The following PIP4K2B variants were observed in gnomAD, a reference collection of about 807,000 sequenced individuals.
PIP4K2B encodes phosphatidylinositol 5-phosphate 4-kinase type-2 beta.
Under a neutral mutation model 42.0 loss-of-function variants are expected in PIP4K2B, and 3 were observed. The observed-to-expected ratio is 0.07, with a 90% confidence interval of 0.03 to 0.18. The LOEUF is 0.18. Among genes scored for constraint, PIP4K2B ranks in the 10% least tolerant of loss-of-function variants. The pLI is 1.00. For synonymous variants in PIP4K2B, 204 were observed against 210.1 expected (o/e 0.97, Z 0.25); for missense variants, 332 against 562.3 (o/e 0.59, Z 4.14).
rs1286927810 is a variant in PIP4K2B, at chr17:38,770,556, A to G, written c.1067-17T>C. Reference sequence around the variant, plus strand: ...TGGGGGAACCTGGAGGGACAAGGAGAGCAGGGAAGAAGGAAGAGGGGGCAG... The same window carrying G: ...TGGGGGAACCTGGAGGGACAAGGAGGGCAGGGAAGAAGGAAGAGGGGGCAG... On this transcript the variant is annotated splice_polypyrimidine_tract_variant and intron_variant, in intron 8 of 9. Transcript: ENST00000619039. The G allele has an allele frequency of 2.8e-6, 4 of 1,437,438 alleles. No individual in the cohort carries two copies. The highest frequency in any genetic ancestry group is 3.9e-6 in the Non-Finnish European group (4 of 1,021,812). The allele number at this position is 1,437,438 out of a possible 1,614,324, so 89.0% of individuals were successfully genotyped here. A position where few individuals can be genotyped will look rare whatever the true frequency, so the allele number is the denominator to read the frequency against.
In PIP4K2B at chr17:38,769,733, G is replaced by T; in HGVS notation, c.1209C>A (p.Tyr403Ter). The T allele has an allele frequency of 6.2e-7, 1 of 1,611,768 alleles. No homozygotes were observed. The highest frequency in any genetic ancestry group is 8.5e-7 in the Non-Finnish European group (1 of 1,177,800). ...AEISTVNPEQ[Y>*]SKRFNEFMSN... ...ACATAAACTCGTTGAAGCGTTTGGA[G>T]TACTGCTCAGGGTTCACAGTCGAGA... The change falls in exon 10 of 10, where the codon TAC becomes TAA. Residue 403 changes from tyrosine to a stop codon, truncating the protein, a stop_gained. Coordinates refer to ENST00000619039, the MANE Select transcript of PIP4K2B (RefSeq NM_003559.5). LOFTEE classifies it high-confidence loss of function.
chr17:38,779,616 G>GGGAGCCAGGGA, intron 4 of PIP4K2B, 87 bp from the exon 5 acceptor site: 3 of 1,222,516 alleles, frequency 2.5e-6, no homozygotes, highest in Non-Finnish European at 3.6e-6. Context: ...AATGCTCCCT[G>GGGAGCCAGGGA]GCTCCCTGGG....
In PIP4K2B at chr17:38,793,126, G is replaced by A. The variant is rs532929606; in HGVS notation, c.159+6140C>T. 2.9e-4 allele frequency among the ~76,000 whole-genome samples: 44 copies of A among 151,688 alleles called. 1 individual carries two copies. The South Asian group carries it at 7.9e-3, about 27-fold the overall frequency. ...GTATTTTTAGTAGAGACAGGGTTTC[G>A]CCATGTTGGCCAGGCTGGTGTCAAA... On this transcript the variant is annotated intron_variant, in intron 1 of 9. Coordinates refer to ENST00000619039, the MANE Select transcript of PIP4K2B (RefSeq NM_003559.5).
At chr17:38,773,160 T>C (rs966961978) in intron 7 of PIP4K2B, among the ~76,000 whole-genome samples, 3 of 152,102 alleles carry the variant, frequency 2.0e-5, no homozygotes, top group African/African-American at 7.2e-5. Context: ...GTAGACAGTG[T>C]TTCAGTTGTG....
Position 38,799,068 on chromosome 17 carries a change from C to G in PIP4K2B, c.159+198G>C, listed in dbSNP as rs988125933. Among the ~76,000 whole-genome samples the G allele has an allele frequency of 1.3e-5, 2 of 152,154 alleles. No individual in the cohort carries two copies. Among genetic ancestry groups the G allele is most frequent in the African/African-American group, 4.8e-5 (2 of 41,448 alleles). On this transcript the variant is annotated intron_variant, in intron 1 of 9. Coordinates refer to ENST00000619039, the MANE Select transcript of PIP4K2B (RefSeq NM_003559.5). The surrounding 1 kb of genome is among the most constrained non-coding windows in gnomAD (Gnocchi z 4.4). ...AAGGGGAGGTGGCGACGGCAGACCA[C>G]AGAGACACCAGGCCTCGCGTGGCGT...
intron 1 of PIP4K2B, among the ~76,000 whole-genome samples, chr17:38,794,541 G>C (rs1490774974): frequency 7.2e-6 from 1 of 138,868 alleles, no homozygotes; most frequent in African/African-American, 2.7e-5. Context: ...TAAAACTCTA[G>C]TTGGGAGGAT....
intron 4 of PIP4K2B, chr17:38,779,984 C>G: frequency 5.5e-6 from 1 of 180,394 alleles, no homozygotes; most frequent in Non-Finnish European, 1.2e-5. Flanking sequence ...TGCCATGCCC[C>G]AGGGTTTCTG....
chr17:38,772,052 G>A (rs1909078439), intron 7 of PIP4K2B, among the ~76,000 whole-genome samples: 1 of 152,084 alleles, frequency 6.6e-6, no homozygotes, highest in African/African-American at 2.4e-5. Flanking sequence ...AAGAGGCCAT[G>A]GCCAAGTTTG....
chr17:38,794,309 C>G (rs886721080), intron 1 of PIP4K2B, among the ~76,000 whole-genome samples: 2 of 151,738 alleles, frequency 1.3e-5, no homozygotes, highest in African/African-American at 4.8e-5. Flanking sequence ...ATGGTGGTTG[C>G]CAGGGGCTGG....
At position 38,780,584 on chromosome 17, in the gene PIP4K2B, G is replaced by A. The variant is rs770123502; in HGVS notation, c.375C>T (p.Ala125=). ...GACCCTGGCTGTCACTGTTGATGGGGGCGCTGCGCGTCACTGAATTCTGAT... is the reference window on the plus strand; with the variant it reads ...GACCCTGGCTGTCACTGTTGATGGGAGCGCTGCGCGTCACTGAATTCTGAT... The part of the protein sequence containing the change: ...QDYQNSVTRS[A]PINSDSQGRC... Residue 125 remains alanine (A), a synonymous_variant, in exon 4 of 10, where the codon GCC becomes GCT. Coordinates refer to ENST00000619039, the MANE Select transcript of PIP4K2B (RefSeq NM_003559.5). The A allele has an allele frequency of 3.1e-6, 5 of 1,611,914 alleles. No individual in the cohort carries two copies. The highest frequency in any genetic ancestry group is 1.1e-5 in the South Asian group (1 of 91,022).
chr17:38,790,708 C>T (rs1910300137), intron 1 of PIP4K2B, among the ~76,000 whole-genome samples: 1 of 152,146 alleles, frequency 6.6e-6, no homozygotes, highest in African/African-American at 2.4e-5. Flanking sequence ...CTGCCTGCCT[C>T]AGCCTCCCAA....
chr17:38,775,639 C>T (rs9674793), intron 7 of PIP4K2B, among the ~76,000 whole-genome samples: 21 of 152,134 alleles, frequency 1.4e-4, no homozygotes, highest in East Asian at 1.2e-3. Flanking sequence ...AGGCAGATCA[C>T]GAGGTCAGGA....
intron 7 of PIP4K2B, among the ~76,000 whole-genome samples, chr17:38,774,940 T>G (rs1028059968): frequency 5.6e-4 from 84 of 149,604 alleles, no homozygotes; most frequent in African/African-American, 1.9e-3. Flanking sequence ...TAATCAGTTT[T>G]TGTGTGTGTG....
chr17:38,770,057 G>T (rs1044333943), intron 9 of PIP4K2B, among the ~76,000 whole-genome samples: 1 of 152,226 alleles, frequency 6.6e-6, no homozygotes, highest in African/African-American at 2.4e-5. Flanking sequence ...CCACTACATG[G>T]AGAACAGGGC....
At chr17:38,784,617 T>C (rs866595374) in intron 2 of PIP4K2B, among the ~76,000 whole-genome samples, 2 of 152,158 alleles carry the variant, frequency 1.3e-5, no homozygotes, top group African/African-American at 4.8e-5. Context: ...ACTTAACATG[T>C]AGGTTTCTAG....
At chr17:38,784,371 C>A (rs1020468176) in intron 2 of PIP4K2B, 32 bp from the exon 3 acceptor site, 5 of 1,131,980 alleles carry the variant, frequency 4.4e-6, no homozygotes, top group Non-Finnish European at 6.7e-6. Context: ...TCTTTGTGAA[C>A]TGCCCCTTGC....
At position 38,770,499 on chromosome 17, in the gene PIP4K2B, A is replaced by G. The variant is rs762387132; in HGVS notation, c.1107T>C (p.Asp369=). Residue 369 remains aspartate (D), a synonymous_variant, in exon 9 of 10, where the codon GAT becomes GAC. Transcript: ENST00000619039. Reference sequence around the variant, plus strand: ...TCTTTGTATCGTATGGCGTGAGGATATCAATGATGGCCATGAAATACACCT... The same window carrying G: ...TCTTTGTATCGTATGGCGTGAGGATGTCAATGATGGCCATGAAATACACCT... The part of the protein sequence containing the change: ...KKEVYFMAII[D]ILTPYDTKKK... 6.2e-7 allele frequency: 1 copy of G among 1,612,136 alleles called. No individual in the cohort carries two copies. The highest frequency in any genetic ancestry group is 2.2e-5 in the East Asian group (1 of 44,856).
intron 1 of PIP4K2B, among the ~76,000 whole-genome samples, chr17:38,794,424 T>C (rs925523844): frequency 1.3e-5 from 2 of 150,522 alleles, no homozygotes; most frequent in Non-Finnish European, 3.0e-5. Flanking sequence ...TGGTCATCAA[T>C]AACATAATCG....
At chr17:38,770,984 T>C in intron 8 of PIP4K2B, 30 bp downstream of exon 8, 2 of 1,613,066 alleles carry the variant, frequency 1.2e-6, no homozygotes, top group Non-Finnish European at 1.7e-6. Flanking sequence ...AGGGCAGGGC[T>C]GTGCAGAGCA....
Sources: allele counts gnomAD v4.1 joint callset (sites outside exome capture counted in the v4.1 genomes callset), GRCh38; gene constraint gnomAD v4.1.1; non-coding constraint Gnocchi (gnomAD v3.1); transcripts MANE v1.5; gene names NCBI Gene and HGNC (gene_info 2026-07-23, HGNC 2026-07-21).